The following BNC2 variants were observed in gnomAD, a reference collection of about 807,000 sequenced individuals.
The protein encoded by BNC2 is zinc finger protein basonuclin-2.
BNC2 carries 20 observed loss-of-function variants against 76.3 expected under a neutral mutation model. The observed-to-expected ratio is 0.26, with a 90% CI of 0.18 to 0.38. The LOEUF is 0.38. Among genes scored for constraint, BNC2 ranks in the 10% least tolerant of loss-of-function variants. The pLI is 1.00. For synonymous variants in BNC2, 582 were observed against 514.8 expected, an observed-to-expected ratio of 1.13 and a Z score of -1.77; for missense variants, 1,382 against 1,399.8, an observed-to-expected ratio of 0.99 and a Z score of 0.20.
chr9:16,863,339 T>C (rs1819460594), intron 1 of BNC2, among the ~76,000 whole-genome samples: 2 of 152,080 alleles, frequency 1.3e-5, no homozygotes. Flanking sequence ...TAACTCTCTC[T>C]CCCTAAAACA....
chr9:16,855,357 T>G (rs1024918931), intron 1 of BNC2, among the ~76,000 whole-genome samples: 1 of 152,232 alleles, frequency 6.6e-6, no homozygotes, highest in Non-Finnish European at 1.5e-5. Context: ...CTACTTCATC[T>G]GTAATACCTA....
intron 3 of BNC2, among the ~76,000 whole-genome samples, chr9:16,658,549 T>C (rs1190308002): frequency 6.6e-6 from 1 of 152,174 alleles, no homozygotes; most frequent in Admixed American, 6.5e-5. Context: ...TTTTTTCCCA[T>C]CAAATGGTCT....
chr9:16,424,550 C>T (rs74993265), intron 6 of BNC2, among the ~76,000 whole-genome samples: 10,565 of 152,168 alleles, frequency 0.069, 377 homozygotes, highest in Middle Eastern at 0.1. Context: ...TGATATTGTA[C>T]AGAATGATCA....
chr9:16,671,220 C>A (rs1450797495), intron 3 of BNC2, among the ~76,000 whole-genome samples: 1 of 152,140 alleles, frequency 6.6e-6, no homozygotes, highest in Non-Finnish European at 1.5e-5. Flanking sequence ...AAGTCACTCT[C>A]TCAACTGTTT....
chr9:16,551,647 TTCA>T (rs1818666500), intron 5 of BNC2, among the ~76,000 whole-genome samples: 1 of 152,236 alleles, frequency 6.6e-6, no homozygotes, highest in Non-Finnish European at 1.5e-5. Flanking sequence ...GGGGTATTTC[TTCA>T]TCATCCAGTG....
At chr9:16,758,186 T>C (rs569204814) in intron 1 of BNC2, among the ~76,000 whole-genome samples, 147 of 149,968 alleles carry the variant, frequency 9.8e-4, no homozygotes, top group African/African-American at 3.2e-3. Flanking sequence ...TAGAGCTCTC[T>C]TACTATTCTT....
intron 5 of BNC2, among the ~76,000 whole-genome samples, chr9:16,504,393 C>G (rs558472717): frequency 1.3e-5 from 2 of 150,764 alleles, no homozygotes; most frequent in Admixed American, 1.3e-4. Context: ...CTTCCTCTCT[C>G]ACAATTATAT....
chr9:16,742,515 G>A (rs1238563577), intron 1 of BNC2, among the ~76,000 whole-genome samples: 1 of 151,646 alleles, frequency 6.6e-6, no homozygotes, highest in Non-Finnish European at 1.5e-5. Flanking sequence ...AGTCACCTTA[G>A]GGACACAGAC....
chr9:16,529,834 C>T (rs913128494), intron 5 of BNC2, among the ~76,000 whole-genome samples: 2 of 151,986 alleles, frequency 1.3e-5, no homozygotes, highest in Admixed American at 1.3e-4. Flanking sequence ...TCCTTCAAAA[C>T]TGAGGTTTTA....
intron 3 of BNC2, among the ~76,000 whole-genome samples, chr9:16,622,419 AAAG>A (rs1820889642): frequency 1.3e-5 from 2 of 152,214 alleles, no homozygotes; most frequent in South Asian, 4.1e-4. Flanking sequence ...CGTATCAAAT[AAAG>A]AATATCTATG....
intron 4 of BNC2, chr9:16,575,224 C>A (rs1819449303): frequency 1.0e-6 from 1 of 979,644 alleles, no homozygotes; most frequent in African/African-American, 1.8e-5. Flanking sequence ...CAGTCTCATT[C>A]AAGAACAACA....
At chr9:16,863,652 G>A (rs1484880625) in intron 1 of BNC2, among the ~76,000 whole-genome samples, 2 of 152,128 alleles carry the variant, frequency 1.3e-5, no homozygotes, top group Admixed American at 6.5e-5. Context: ...CCAAAATCAC[G>A]CCACTGCACT....
intron 5 of BNC2, among the ~76,000 whole-genome samples, chr9:16,542,982 T>C (rs147610948): frequency 1.6e-4 from 24 of 152,288 alleles, no homozygotes; most frequent in African/African-American, 5.5e-4. Flanking sequence ...CTCTTCATTA[T>C]AGTCACAGAG....
chr9:16,712,965 G>A (rs1823892537), intron 3 of BNC2, among the ~76,000 whole-genome samples: 1 of 152,160 alleles, frequency 6.6e-6, no homozygotes, highest in Admixed American at 6.5e-5. Context: ...AAGACTAGGA[G>A]GCTCCAAAAG....
chr9:16,685,202 G>A (rs1486569069), intron 3 of BNC2, among the ~76,000 whole-genome samples: 2 of 152,138 alleles, frequency 1.3e-5, no homozygotes, highest in East Asian at 3.9e-4. Context: ...CACCTTGTGT[G>A]GTAAATCTCC....
rs577436326 is a variant in BNC2, at chr9:16,855,092, T to C, written c.3+15554A>G. On this transcript the variant is annotated intron_variant, in intron 1 of 6. Transcript: ENST00000380672. ...TCATTTCAATATGAGTACATGAGTA[T>C]TCCACCTCATATGGTATACAGATAC... Among the ~76,000 whole-genome samples the C allele has an allele frequency of 7.9e-5, 12 of 152,092 alleles. No individual in the cohort carries two copies. In the East Asian group the frequency reaches 2.3e-3, roughly 30 times the overall value.
chr9:16,620,546 C>T (rs906051731), intron 3 of BNC2, among the ~76,000 whole-genome samples: 1 of 152,236 alleles, frequency 6.6e-6, no homozygotes, highest in East Asian at 1.9e-4. Flanking sequence ...GCTACTGAAA[C>T]TTCTACATAC....
intron 1 of BNC2, among the ~76,000 whole-genome samples, chr9:16,785,558 CTTT>C (rs34271496): frequency 9.1e-4 from 112 of 122,504 alleles, no homozygotes; most frequent in Middle Eastern, 8.7e-3. Flanking sequence ...CTACACCCGG[CTTT>C]TTTTTTTTTT....
Position 16,441,251 on chromosome 9 carries a change from C to T in BNC2, c.670-3727G>A, listed in dbSNP as rs532531968. On this transcript the variant is annotated intron_variant, in intron 5 of 6. Coordinates refer to ENST00000380672, the MANE Select transcript of BNC2 (RefSeq NM_017637.6). ...TCCAGGAGGTTGAAGCTGCAGTGAG[C>T]CATGATAGTGCCACTGCACTCCAGC... Among the ~76,000 whole-genome samples the T allele has an allele frequency of 1.9e-4, 29 of 152,266 alleles. No homozygotes were observed. In the South Asian group the frequency reaches 5.2e-3, roughly 27 times the overall value.
Sources: allele counts gnomAD v4.1 joint callset (sites outside exome capture counted in the v4.1 genomes callset), GRCh38; gene constraint gnomAD v4.1.1; transcripts MANE v1.5; gene names NCBI Gene and HGNC (gene_info 2026-07-23, HGNC 2026-07-21).